CHST9: variants seen among roughly 807,000 people sequenced by gnomAD.
CHST9 encodes GalNAc-4-sulfotransferase 2.
CHST9 carries 41 observed loss-of-function variants against 44.4 expected under a neutral mutation model. The ratio of observed to expected loss-of-function variants is 0.92; its 90% CI spans 0.72 to 1.20. The LOEUF is 1.20. Among genes scored for constraint, CHST9 ranks in the 50% most tolerant of loss-of-function variants. The pLI is 0.00. For synonymous variants in CHST9, 171 were observed against 178.4 expected, an observed-to-expected ratio of 0.96 and a Z score of 0.33; for missense variants, 504 against 516.5, an observed-to-expected ratio of 0.98 and a Z score of 0.23.
intron 5 of CHST9, among the ~76,000 whole-genome samples, chr18:26,939,582 G>A (rs2056051463): frequency 6.6e-6 from 1 of 152,156 alleles, no homozygotes; most frequent in South Asian, 2.1e-4. Flanking sequence ...ACTATATGTC[G>A]AACTATTTCA....
intron 2 of CHST9, among the ~76,000 whole-genome samples, chr18:27,071,337 T>G (rs1016771239): frequency 6.6e-6 from 1 of 152,266 alleles, no homozygotes; most frequent in African/African-American, 2.4e-5. Flanking sequence ...TTTCCTTGGC[T>G]TCTTCCCCAG....
chr18:27,131,210 C>T (rs1290069266), intron 2 of CHST9, among the ~76,000 whole-genome samples: 1 of 152,044 alleles, frequency 6.6e-6, no homozygotes, highest in Non-Finnish European at 1.5e-5. Context: ...TCCCCACCGA[C>T]TAAATAGACC....
At chr18:27,025,161 TTA>T (rs1321615860) in intron 3 of CHST9, among the ~76,000 whole-genome samples, 1 of 148,178 alleles carries the variant, frequency 6.7e-6, no homozygotes, top group Non-Finnish European at 1.5e-5. Flanking sequence ...GAAATATATA[TTA>T]TATAATACAC....
chr18:26,965,530 C>G (rs1179434523), intron 4 of CHST9, among the ~76,000 whole-genome samples: 1 of 152,188 alleles, frequency 6.6e-6, no homozygotes, highest in Non-Finnish European at 1.5e-5. Flanking sequence ...GACCTAAGTT[C>G]AAGTCTGAGC....
chr18:26,917,875 A>AC (rs2055566438), intron 5 of CHST9, among the ~76,000 whole-genome samples: 2 of 150,286 alleles, frequency 1.3e-5, no homozygotes, highest in African/African-American at 4.9e-5. Context: ...AAAATCATGT[A>AC]TTTTTTTTTT....
At chr18:26,958,293 T>C (rs1213003925) in intron 4 of CHST9, among the ~76,000 whole-genome samples, 2 of 152,090 alleles carry the variant, frequency 1.3e-5, no homozygotes, top group African/African-American at 2.4e-5. Flanking sequence ...ATATAAATAC[T>C]AAATTTGCTT....
intron 2 of CHST9, among the ~76,000 whole-genome samples, chr18:27,112,347 A>T (rs542964375): frequency 1.3e-4 from 20 of 151,504 alleles, no homozygotes; most frequent in South Asian, 6.2e-4. Context: ...TAAATATCTT[A>T]GGGATGGGAC....
chr18:27,153,936 G>T (rs2143906097), intron 1 of CHST9, among the ~76,000 whole-genome samples: 1 of 152,216 alleles, frequency 6.6e-6, no homozygotes, highest in African/African-American at 2.4e-5. Flanking sequence ...GCTGTTGCTG[G>T]CAGCTCTCTG....
At chr18:27,061,106 A>G (rs2057716532) in intron 2 of CHST9, among the ~76,000 whole-genome samples, 2 of 152,178 alleles carry the variant, frequency 1.3e-5, no homozygotes, top group South Asian at 2.1e-4. Context: ...GGTGGCCACA[A>G]GCAGATCATC....
chr18:26,995,085 T>C (rs374048501), intron 4 of CHST9, among the ~76,000 whole-genome samples: 107 of 151,896 alleles, frequency 7.0e-4, no homozygotes, highest in African/African-American at 2.6e-3. Flanking sequence ...GAAGCAGAGC[T>C]TGTGAGACCT....
chr18:26,930,719 T>G (rs1369295356), intron 5 of CHST9: 1 of 153,686 alleles, frequency 6.5e-6, no homozygotes, highest in Non-Finnish European at 1.5e-5. Flanking sequence ...AGGATGGAAG[T>G]CTTCAGTATC....
intron 3 of CHST9, among the ~76,000 whole-genome samples, chr18:27,044,721 A>G (rs927923226): frequency 6.6e-6 from 1 of 152,078 alleles, no homozygotes; most frequent in Non-Finnish European, 1.5e-5. Context: ...CACTATAAAA[A>G]TAGAAATAGC....
chr18:26,926,702 G>A (rs749075561), intron 5 of CHST9, among the ~76,000 whole-genome samples: 16 of 152,210 alleles, frequency 1.1e-4, no homozygotes, highest in Non-Finnish European at 1.8e-4. Context: ...GTAAACATTA[G>A]TTAGCAGAAT....
rs534191958 is a variant in CHST9, at chr18:26,909,786, G to A, written c.*6473C>T. 2.3e-3 allele frequency: 351 copies of A among 152,546 alleles called. No individual in the cohort carries two copies. The highest frequency in any genetic ancestry group is 6.6e-3 in the South Asian group (32 of 4,846). The allele number at this position is 152,546 out of a possible 1,614,324, so 9.4% of individuals were successfully genotyped here. On this transcript the variant is annotated 3_prime_UTR_variant, in exon 6 of 6. Coordinates refer to ENST00000618847, the MANE Select transcript of CHST9 (RefSeq NM_031422.6). ...GGGAGGAGTAGGAGGAGTAGGAGGA[G>A]GAGGAGGAAGAGGAGGGAAGAGGAG... is the stretch of plus-strand genomic sequence containing the variant.
At chr18:27,061,052 G>T (rs1191008235) in intron 2 of CHST9, among the ~76,000 whole-genome samples, 9 of 152,106 alleles carry the variant, frequency 5.9e-5, no homozygotes, top group Non-Finnish European at 1.2e-4. Context: ...CATGATGACT[G>T]GTTCTTGACC....
intron 2 of CHST9, among the ~76,000 whole-genome samples, chr18:27,124,882 A>C (rs11873301): frequency 0.021 from 3,126 of 152,300 alleles, 121 homozygotes; most frequent in African/African-American, 0.071. Context: ...CATTGTTTAC[A>C]GTATATTTCT....
chr18:27,164,850 T>C (rs1202936209), intron 1 of CHST9, among the ~76,000 whole-genome samples: 2 of 152,204 alleles, frequency 1.3e-5, no homozygotes, highest in South Asian at 4.1e-4. Flanking sequence ...AAAACAATTA[T>C]CACTTAAAAT....
chr18:26,997,732 C>A (rs2056902476), intron 4 of CHST9, among the ~76,000 whole-genome samples: 1 of 152,132 alleles, frequency 6.6e-6, no homozygotes, highest in South Asian at 2.1e-4. Flanking sequence ...TATAATAGCA[C>A]ATAACCACTT....
chr18:26,920,899 G>A (rs1356063709), intron 5 of CHST9, among the ~76,000 whole-genome samples: 2 of 152,268 alleles, frequency 1.3e-5, no homozygotes, highest in South Asian at 2.1e-4. Context: ...GTCACTCAAC[G>A]CTGTCTCCAA....
Sources: gnomAD v4.1 joint callset for allele counts (sites outside exome capture counted in the v4.1 genomes callset) on GRCh38, gnomAD v4.1.1 for gene constraint, MANE v1.5 for transcripts, NCBI Gene and HGNC (gene_info 2026-07-23, HGNC 2026-07-21) for gene names.